The following EPS8 variants were observed in gnomAD, a reference collection of about 807,000 sequenced individuals.
The protein encoded by EPS8 is epidermal growth factor receptor kinase substrate 8.
In EPS8, 42 loss-of-function variants were observed where a neutral mutation model predicts 103.8. The ratio of observed to expected loss-of-function variants is 0.40; its 90% confidence interval spans 0.32 to 0.52. The LOEUF (loss-of-function observed/expected upper bound fraction) is 0.52. Among genes scored for constraint, EPS8 ranks in the 20% least tolerant of loss-of-function variants. The probability of loss-of-function intolerance (pLI) is 0.40; values close to 1 mark genes in which losing one functional copy is unlikely to be tolerated. For synonymous variants in EPS8, 344 were observed against 344.6 expected (o/e 1.00, Z 0.02); for missense variants, 969 against 1,005.1 (o/e 0.96, Z 0.49).
chr12:15,712,236 G>A (rs1009507686), intron 1 of EPS8, among the ~76,000 whole-genome samples: 1 of 151,194 alleles, frequency 6.6e-6, no homozygotes, highest in Non-Finnish European at 1.5e-5. Context: ...AATATACATG[G>A]GCTTTAAAAA....
At chr12:15,627,512 T>C (rs1347574142) in intron 18 of EPS8, among the ~76,000 whole-genome samples, 1 of 152,084 alleles carries the variant, frequency 6.6e-6, no homozygotes, top group African/African-American at 2.4e-5. Flanking sequence ...ACCCCTTACA[T>C]AACCAGATAA....
At chr12:15,639,649 TGGATA>T (rs1465157518) in intron 17 of EPS8, among the ~76,000 whole-genome samples, 1 of 152,184 alleles carries the variant, frequency 6.6e-6, no homozygotes, top group Non-Finnish European at 1.5e-5. Flanking sequence ...CAAGTCCCTC[TGGATA>T]AGCACAGGAC....
intron 1 of EPS8, among the ~76,000 whole-genome samples, chr12:15,774,906 A>T (rs1947192906): frequency 6.6e-6 from 1 of 151,930 alleles, no homozygotes; most frequent in Non-Finnish European, 1.5e-5. Context: ...TTTAAAAGCA[A>T]TTCTTGACCC....
Position 15,728,122 on chromosome 12 carries a change from TA to T in EPS8, c.-21-45151del, listed in dbSNP as rs1946674770. 1 of 152,244 alleles carries T rather than the reference TA, an allele frequency of 6.6e-6. No homozygotes were observed. The highest frequency in any genetic ancestry group is 2.4e-5 in the African/African-American group (1 of 41,464). The allele number at this position is 152,244 out of a possible 1,614,324, so 9.4% of individuals were successfully genotyped here. On this transcript the variant is annotated intron_variant, in intron 1 of 20. Coordinates refer to ENST00000281172, the MANE Select transcript of EPS8 (RefSeq NM_004447.6). This position sits in a 1 kb window ranked among gnomAD's most constrained non-coding sequence, Gnocchi z 4.5. ...CTACTAAATCATTAGTTTTGCATTC[TA>T]CCTACTAGCTTTTTAGTGATGGAAC...
rs1259997088 is a variant in EPS8, at chr12:15,780,541, C to T, written c.-22+8620G>A. 4.0e-5 allele frequency: 6 copies of T among 149,268 alleles called. No homozygotes were observed. The highest frequency in any genetic ancestry group is 7.4e-5 in the Non-Finnish European group (5 of 67,252). The allele number at this position is 149,268 out of a possible 1,614,324, so 9.2% of individuals were successfully genotyped here. On this transcript the variant is annotated intron_variant, in intron 1 of 20. Coordinates refer to ENST00000281172, the MANE Select transcript of EPS8 (RefSeq NM_004447.6). This position sits in a 1 kb window ranked among gnomAD's most constrained non-coding sequence, Gnocchi z 4.1. ...ACACACACACACACAGGCATACACACTTTTCATTTAACATCCTCCATGGAT... is the reference window on the plus strand; with the variant it reads ...ACACACACACACACAGGCATACACATTTTTCATTTAACATCCTCCATGGAT...
rs1467612337 is a variant in EPS8, at chr12:15,688,133, A to C, written c.-21-5161T>G. Among the ~76,000 whole-genome samples the C allele has an allele frequency of 6.6e-6, 1 of 152,246 alleles. No individual in the cohort carries two copies. The highest frequency in any genetic ancestry group is 6.5e-5 in the Admixed American group (1 of 15,284). On this transcript the variant is annotated intron_variant, in intron 1 of 20. Coordinates refer to ENST00000281172, the MANE Select transcript of EPS8 (RefSeq NM_004447.6). The surrounding 1 kb of genome is among the most constrained non-coding windows in gnomAD (Gnocchi z 5.1). ...CATCTAAGGTAAAATCATAGGCAGA[A>C]GTGAACACAAAGGAGAAAGGGAAAG...
chr12:15,656,167 TAA>T (rs1235314133), intron 12 of EPS8, among the ~76,000 whole-genome samples: 1 of 152,112 alleles, frequency 6.6e-6, no homozygotes, highest in African/African-American at 2.4e-5. Flanking sequence ...GTGAAATAAA[TAA>T]GAGGAGGCAG....
rs1386766923 is a variant in EPS8 at position 15,684,526 on chromosome 12, A to G, written c.-21-1554T>C. On this transcript the variant is annotated intron_variant, in intron 1 of 20. Transcript: ENST00000281172. This position sits in a 1 kb window ranked among gnomAD's most constrained non-coding sequence, Gnocchi z 4.9. ...GTGTTCATTAAATATTTATTCAAAG[A>G]AAGAAAGAAGGAAATCCATGTCCCA... is the stretch of plus-strand genomic sequence containing the variant. Among the ~76,000 whole-genome samples the G allele has an allele frequency of 6.6e-6, 1 of 152,232 alleles. No homozygotes were observed. The highest frequency in any genetic ancestry group is 1.5e-5 in the Non-Finnish European group (1 of 68,040).
rs1189800264 is a variant in EPS8 at position 15,780,604 on chromosome 12, A to C, written c.-22+8557T>G. 1 of 152,216 alleles carries C rather than the reference A, an allele frequency of 6.6e-6. No individual in the cohort carries two copies. The allele number at this position is 152,216 out of a possible 1,614,324, so 9.4% of individuals were successfully genotyped here. A position where few individuals can be genotyped will look rare whatever the true frequency, so the allele number is the denominator to read the frequency against. ...TTGACATTTCCACCTCTTTGATAAG[A>C]AAACCAAGGCAGATAAGGTCTGATT... On this transcript the variant is annotated intron_variant, in intron 1 of 20. Transcript: ENST00000281172. The surrounding 1 kb of genome is among the most constrained non-coding windows in gnomAD (Gnocchi z 4.1).
rs938817298 is a variant in EPS8 at position 15,717,066 on chromosome 12, T to G, written c.-21-34094A>C. On this transcript the variant is annotated intron_variant, in intron 1 of 20. Coordinates refer to ENST00000281172, the MANE Select transcript of EPS8 (RefSeq NM_004447.6). The surrounding 1 kb of genome is among the most constrained non-coding windows in gnomAD (Gnocchi z 4.3). Reference sequence around the variant, plus strand: ...ACATACATGCTAAGTTAGTTAAATTTGTATGGATACAATGATCAATCAAAT... The same window carrying G: ...ACATACATGCTAAGTTAGTTAAATTGGTATGGATACAATGATCAATCAAAT... 6.6e-6 allele frequency among the ~76,000 whole-genome samples: 1 copy of G among 152,236 alleles called. No homozygotes were observed. Among genetic ancestry groups the G allele is most frequent in the Non-Finnish European group, 1.5e-5 (1 of 68,034 alleles).
intron 12 of EPS8, among the ~76,000 whole-genome samples, chr12:15,656,387 A>C (rs1321618011): frequency 6.6e-6 from 1 of 152,182 alleles, no homozygotes; most frequent in Non-Finnish European, 1.5e-5. Context: ...TGCTCCATAT[A>C]CAGCAACAAC....
At chr12:15,730,561 C>T (rs7313217) in intron 1 of EPS8, among the ~76,000 whole-genome samples, 2,265 of 152,210 alleles carry the variant, frequency 0.015, 60 homozygotes, top group African/African-American at 0.052. Flanking sequence ...AGCTTAAAAA[C>T]GATGGGACTT....
chr12:15,730,167 A>T (rs1946698551), intron 1 of EPS8, among the ~76,000 whole-genome samples: 1 of 152,128 alleles, frequency 6.6e-6, no homozygotes. Context: ...ATTGATAATT[A>T]CAGTTATTTG....
chr12:15,709,694 G>T (rs943864270), intron 1 of EPS8, among the ~76,000 whole-genome samples: 10 of 152,190 alleles, frequency 6.6e-5, no homozygotes, highest in Admixed American at 5.9e-4. Context: ...CCAGAGCAAC[G>T]GGAGGGCTTT....
chr12:15,689,753 CTGTGTACCCAT>C (rs1946147036), intron 1 of EPS8, among the ~76,000 whole-genome samples: 1 of 152,194 alleles, frequency 6.6e-6, no homozygotes. Context: ...CTAACTGAAA[CTGTGTACCCAT>C]TGTTAAGTGA....
At chr12:15,647,463 G>T (rs1014156703) in intron 14 of EPS8, among the ~76,000 whole-genome samples, 1 of 152,112 alleles carries the variant, frequency 6.6e-6, no homozygotes, top group Admixed American at 6.6e-5. Flanking sequence ...TAGTGCAAAG[G>T]GTAATCTTGC....
chr12:15,632,682 C>A (rs912926480), intron 17 of EPS8, among the ~76,000 whole-genome samples: 1 of 152,144 alleles, frequency 6.6e-6, no homozygotes, highest in African/African-American at 2.4e-5. Flanking sequence ...CTTTTAAATT[C>A]TAAAATGGCC....
chr12:15,783,955 T>C (rs1407056909), intron 1 of EPS8, among the ~76,000 whole-genome samples: 6 of 151,892 alleles, frequency 4.0e-5, no homozygotes, highest in East Asian at 1.9e-4. Context: ...TAGGAATCCA[T>C]ATGCAAAAAA....
At position 15,767,649 on chromosome 12, in the gene EPS8, C is replaced by T. The variant is rs1947111075; in HGVS notation, c.-22+21512G>A. Among the ~76,000 whole-genome samples the T allele has an allele frequency of 6.6e-6, 1 of 152,198 alleles. No homozygotes were observed. ...AAAAGGCTTATATTCACCCACCTCT[C>T]TCAACACTAAATATTTGTTTCAAAC... On this transcript the variant is annotated intron_variant, in intron 1 of 20. Coordinates refer to ENST00000281172, the MANE Select transcript of EPS8 (RefSeq NM_004447.6). The surrounding 1 kb of genome is among the most constrained non-coding windows in gnomAD (Gnocchi z 5.5).
Sources: allele counts gnomAD v4.1 joint callset (sites outside exome capture counted in the v4.1 genomes callset), GRCh38; gene constraint gnomAD v4.1.1; non-coding constraint Gnocchi (gnomAD v3.1); transcripts MANE v1.5; gene names NCBI Gene and HGNC (gene_info 2026-07-23, HGNC 2026-07-21).